Variants in CRACD observed in about 807,000 individuals in gnomAD.
CRACD encodes capping protein inhibiting regulator of actin dynamics.
In CRACD, 56 loss-of-function variants were observed where a neutral mutation model predicts 106.8. The ratio of observed to expected loss-of-function variants is 0.52; its 90% CI spans 0.42 to 0.66. CRACD has a LOEUF of 0.66. CRACD is among the 30% of genes least tolerant of loss of function. The pLI, the probability that CRACD is intolerant of heterozygous loss-of-function variation, is 0.00. For missense variants in CRACD, 1,730 were observed against 1,623.2 expected (o/e 1.07, Z -1.13); for synonymous variants, 754 against 670.8 (o/e 1.12, Z -1.92).
intron 2 of CRACD, among the ~76,000 whole-genome samples, chr4:56,265,501 T>C (rs781010526): frequency 1.3e-5 from 2 of 151,864 alleles, no homozygotes; most frequent in Non-Finnish European, 2.9e-5. Context: ...ATGAAGGCTG[T>C]TTCCCAAAGT....
At chr4:56,309,938 G>A (rs1176586517) in intron 5 of CRACD, among the ~76,000 whole-genome samples, 1 of 151,458 alleles carries the variant, frequency 6.6e-6, no homozygotes, top group Non-Finnish European at 1.5e-5. Flanking sequence ...GCTGAGGCTT[G>A]AGCCCAGGAG....
At chr4:56,291,500 T>G (rs1335512291) in intron 3 of CRACD, among the ~76,000 whole-genome samples, 2 of 152,160 alleles carry the variant, frequency 1.3e-5, no homozygotes, top group Non-Finnish European at 1.5e-5. Flanking sequence ...CTGCCTCAAA[T>G]TTTGGAACTT....
intron 3 of CRACD, among the ~76,000 whole-genome samples, chr4:56,282,111 G>A (rs570423561): frequency 1.3e-5 from 2 of 152,244 alleles, no homozygotes; most frequent in East Asian, 3.9e-4. Context: ...CATTTCATTT[G>A]AATGAGACTC....
At position 56,323,486 on chromosome 4, in the gene CRACD, G is replaced by A. The variant is rs185887407; in HGVS notation, c.3297G>A (p.Gly1099=). The change falls in exon 9 of 11, where the codon GGG becomes GGA. Residue 1099 remains glycine (G), a synonymous_variant. Coordinates refer to ENST00000682029, the MANE Select transcript of CRACD (RefSeq NM_001393381.1). The part of the protein sequence containing the change: ...WITLALQKQK[G]FREQQATREE... The stretch of plus-strand genomic sequence containing the variant: ...CGTTAGCACTGCAAAAGCAAAAGGG[G>A]TTTCGGGAGCAGCAGGCGACGCGGG... The A allele has an allele frequency of 9.3e-6, 15 of 1,609,818 alleles. No homozygotes were observed. The African/African-American group carries it at 1.2e-4, about 13-fold the overall frequency.
At chr4:56,249,749 G>A (rs1740940127) in intron 2 of CRACD, among the ~76,000 whole-genome samples, 1 of 152,168 alleles carries the variant, frequency 6.6e-6, no homozygotes, top group African/African-American at 2.4e-5. Flanking sequence ...CGAGTTTTGT[G>A]TCATTATTAG....
At chr4:56,130,107 C>CA (rs1734778891) in intron 1 of CRACD, among the ~76,000 whole-genome samples, 1 of 152,094 alleles carries the variant, frequency 6.6e-6, no homozygotes, top group Non-Finnish European at 1.5e-5. Context: ...CCCGTCTCTA[C>CA]AAAAAATACA....
At position 56,086,644 on chromosome 4, in the gene CRACD, C is replaced by G. The variant is rs923908664; in HGVS notation, c.-336+37345C>G. 2.0e-5 allele frequency among the ~76,000 whole-genome samples: 3 copies of G among 152,180 alleles called. No homozygotes were observed. The South Asian group carries it at 6.2e-4, about 31-fold the overall frequency. ...TGCCCCATTCTATTTGGATCCTCTT[C>G]CCTACCCCTCCTATCTGATTTCCAT... On this transcript the variant is annotated intron_variant, in intron 1 of 10. Transcript: ENST00000682029.
At chr4:56,282,499 T>C (rs1743090844) in intron 3 of CRACD, among the ~76,000 whole-genome samples, 1 of 152,160 alleles carries the variant, frequency 6.6e-6, no homozygotes, top group Non-Finnish European at 1.5e-5. Context: ...GATTGCAGTT[T>C]TAACAGAAAT....
chr4:56,110,721 C>T lies in CRACD; in HGVS notation c.-336+61422C>T, dbSNP rs527327589. Among the ~76,000 whole-genome samples, 20 of 152,142 alleles carry T rather than the reference C, an allele frequency of 1.3e-4. No homozygotes were observed. The South Asian group carries it at 3.7e-3, about 29-fold the overall frequency. On this transcript the variant is annotated intron_variant, in intron 1 of 10. Transcript: ENST00000682029. ...AAATGATTCTTGTGCCTCAGCCTCC[C>T]GAGTAGCTGGGATTACAGGCACCCG...
At chr4:56,255,268 C>A (rs1741292352) in intron 2 of CRACD, among the ~76,000 whole-genome samples, 1 of 152,016 alleles carries the variant, frequency 6.6e-6, no homozygotes, top group South Asian at 2.1e-4. Context: ...CTGATTAGCC[C>A]ATTTGCAGTT....
At chr4:56,052,204 G>T (rs1440767344) in intron 1 of CRACD, among the ~76,000 whole-genome samples, 1 of 152,006 alleles carries the variant, frequency 6.6e-6, no homozygotes, top group Non-Finnish European at 1.5e-5. Flanking sequence ...TTTTATTTTT[G>T]CACAGTAAGA....
chr4:56,099,896 GTGT>G (rs1328850651), intron 1 of CRACD, among the ~76,000 whole-genome samples: 1 of 152,172 alleles, frequency 6.6e-6, no homozygotes, highest in Non-Finnish European at 1.5e-5. Flanking sequence ...AACCAGTTGT[GTGT>G]TGTTTTTCCA....
chr4:56,260,890 CAT>C (rs1741659422), intron 2 of CRACD, among the ~76,000 whole-genome samples: 1 of 43,880 alleles, frequency 2.3e-5, no homozygotes, highest in African/African-American at 8.6e-5. Context: ...TGTATCCATC[CAT>C]CCATCCATCC....
chr4:56,225,993 C>T (rs1418772353), intron 2 of CRACD, among the ~76,000 whole-genome samples: 1 of 152,186 alleles, frequency 6.6e-6, no homozygotes, highest in East Asian at 1.9e-4. Context: ...AGATATTATT[C>T]AGTGTCACCA....
At chr4:56,297,453 G>A (rs912965964) in intron 3 of CRACD, among the ~76,000 whole-genome samples, 2 of 152,204 alleles carry the variant, frequency 1.3e-5, no homozygotes, top group Admixed American at 1.3e-4. Flanking sequence ...TTAGCTGGAT[G>A]TGGGAGCAGA....
rs566986987 is a variant in CRACD, at chr4:56,114,450, T to C, written c.-335-64834T>C. On this transcript the variant is annotated intron_variant, in intron 1 of 10. Coordinates refer to ENST00000682029, the MANE Select transcript of CRACD (RefSeq NM_001393381.1). ...GCCAGAAATAGGTCATGGCTGTGTATAGCTGTGAGGGAGTCGGGGAAGATA... is the reference window on the plus strand; with the variant it reads ...GCCAGAAATAGGTCATGGCTGTGTACAGCTGTGAGGGAGTCGGGGAAGATA... 4.6e-5 allele frequency among the ~76,000 whole-genome samples: 7 copies of C among 152,146 alleles called. No individual in the cohort carries two copies. The South Asian group carries it at 6.2e-4, about 14-fold the overall frequency.
At chr4:56,287,544 G>C (rs1012091685) in intron 3 of CRACD, among the ~76,000 whole-genome samples, 7 of 152,116 alleles carry the variant, frequency 4.6e-5, no homozygotes, top group African/African-American at 1.7e-4. Context: ...GCCTCCCACA[G>C]TGCTGGGATT....
intron 1 of CRACD, among the ~76,000 whole-genome samples, chr4:56,121,211 A>G (rs989473940): frequency 6.6e-5 from 10 of 152,226 alleles, no homozygotes; most frequent in Non-Finnish European, 1.5e-4. Context: ...TTTCAATTGT[A>G]AAGATACTCA....
chr4:56,291,541 C>T (rs2109701862), intron 3 of CRACD, among the ~76,000 whole-genome samples: 1 of 152,310 alleles, frequency 6.6e-6, no homozygotes, highest in South Asian at 2.1e-4. Flanking sequence ...CTCAGCTTCC[C>T]CTTCAGAGAA....
Sources: gnomAD v4.1 joint callset for allele counts (sites outside exome capture counted in the v4.1 genomes callset) on GRCh38, gnomAD v4.1.1 for gene constraint, MANE v1.5 for transcripts, NCBI Gene and HGNC (gene_info 2026-07-23, HGNC 2026-07-21) for gene names.